FBXO22: variants seen among roughly 807,000 people sequenced by gnomAD.
The protein encoded by FBXO22 is F-box protein 22.
A neutral mutation model predicts 37.2 loss-of-function variants in FBXO22; 13 were observed. The observed-to-expected ratio is 0.35, with a 90% confidence interval of 0.23 to 0.56. The LOEUF is 0.56. FBXO22 is among the 20% of genes least tolerant of loss of function. The probability of loss-of-function intolerance (pLI) is 0.87; values close to 1 mark genes in which losing one functional copy is unlikely to be tolerated. For synonymous variants in FBXO22, 189 were observed against 189.1 expected (o/e 1.00, Z 0.00); for missense variants, 446 against 509.9 (o/e 0.87, Z 1.21).
In FBXO22 at chr15:75,909,293, G is replaced by A. The variant is rs111499502; in HGVS notation, c.280-3910G>A. Among the ~76,000 whole-genome samples the A allele has an allele frequency of 3.3e-3, 496 of 152,242 alleles. 2 individuals carry two copies. Among genetic ancestry groups the A allele is most frequent in the Middle Eastern group, 0.014 (4 of 294 alleles). On this transcript the variant is annotated intron_variant, in intron 2 of 6. Coordinates refer to ENST00000308275, the MANE Select transcript of FBXO22 (RefSeq NM_147188.3). ...GTTTAGGAAAAGGTTTTGGAGAGGA[G>A]GTGGCACTTAAGGTGTCTCTAGAGG...
intron 2 of FBXO22, among the ~76,000 whole-genome samples, chr15:75,909,433 C>T (rs902967549): frequency 3.3e-5 from 5 of 152,224 alleles, no homozygotes; most frequent in Admixed American, 1.3e-4. Context: ...GCTGGCAAGC[C>T]TGGAAATGGA....
At position 75,904,039 on chromosome 15, in the gene FBXO22, C is replaced by G. The variant is rs764897997; in HGVS notation, c.76C>G (p.Leu26Val). ...GCGGAGCACCTTCGTGTTGAGTAAC[C>G]TGGCGGAGGTGGTGGAGCGTGTGCT... ...DPRSTFVLSN[L>V]AEVVERVLTF... Residue 26 changes from leucine to valine, a missense_variant, in exon 1 of 7, where the codon CTG becomes GTG. Physicochemically the swap from Leu to Val is conservative, Grantham distance 32 (BLOSUM62 1). Transcript: ENST00000308275. 2 of 1,568,104 alleles carry G rather than the reference C, an allele frequency of 1.3e-6. No individual in the cohort carries two copies. The highest frequency in any genetic ancestry group is 2.7e-5 in the African/African-American group (2 of 74,254).
At chr15:75,911,951 T>A (rs1208264960) in intron 2 of FBXO22, among the ~76,000 whole-genome samples, 1 of 150,622 alleles carries the variant, frequency 6.6e-6, no homozygotes, top group Non-Finnish European at 1.5e-5. Context: ...AATACCTAGT[T>A]TATTGAGAGT....
At chr15:75,918,438 G>T (rs1900240050) in intron 5 of FBXO22, among the ~76,000 whole-genome samples, 1 of 152,136 alleles carries the variant, frequency 6.6e-6, no homozygotes, top group South Asian at 2.1e-4. Flanking sequence ...GGGTGGTCAG[G>T]TCAAAGTAGA....
intron 2 of FBXO22, among the ~76,000 whole-genome samples, chr15:75,905,834 T>C (rs1022441089): frequency 6.6e-6 from 1 of 152,218 alleles, no homozygotes. Context: ...CGGCATACTT[T>C]AGGTGGCATG....
intron 4 of FBXO22, among the ~76,000 whole-genome samples, chr15:75,915,668 G>A (rs1396086407): frequency 1.3e-5 from 2 of 152,124 alleles, no homozygotes; most frequent in African/African-American, 2.4e-5. Flanking sequence ...TTGGGAGGCC[G>A]AGGTGGGTGG....
At position 75,913,300 on chromosome 15, in the gene FBXO22, A is replaced by T; in HGVS notation, c.367+10A>T. On this transcript the variant is annotated intron_variant, in intron 3 of 6. Transcript: ENST00000308275. ...CGTGGCCATAAGAGAGGTAAATATC[A>T]AAAGAAAAGCTTTTGCTTCTGTTTT... 6.3e-7 allele frequency: 1 copy of T among 1,577,734 alleles called. No homozygotes were observed. The highest frequency in any genetic ancestry group is 2.2e-5 in the East Asian group (1 of 44,516).
intron 5 of FBXO22, among the ~76,000 whole-genome samples, chr15:75,921,370 A>G (rs1323949290): frequency 6.6e-6 from 1 of 152,082 alleles, no homozygotes; most frequent in African/African-American, 2.4e-5. Context: ...TAATTGAAAC[A>G]TTTTTGTTTG....
At chr15:75,910,731 A>G (rs907016175) in intron 2 of FBXO22, among the ~76,000 whole-genome samples, 1 of 152,048 alleles carries the variant, frequency 6.6e-6, no homozygotes, top group Non-Finnish European at 1.5e-5. Context: ...CACTCTGATG[A>G]TAGTTTCTTT....
rs991571236 is a variant in FBXO22, at chr15:75,936,343, T to C, written c.*3241T>C. On this transcript the variant is annotated 3_prime_UTR_variant, in exon 7 of 7. Coordinates refer to ENST00000308275, the MANE Select transcript of FBXO22 (RefSeq NM_147188.3). ...AATAAAATAAGCATTAGTAATAATATCCTTGTTAAATGAACAAAGTGAATA... is the reference window on the plus strand; with the variant it reads ...AATAAAATAAGCATTAGTAATAATACCCTTGTTAAATGAACAAAGTGAATA... 2 of 152,190 alleles carry C rather than the reference T, an allele frequency of 1.3e-5. No homozygotes were observed. Among genetic ancestry groups the C allele is most frequent in the African/African-American group, 4.8e-5 (2 of 41,456 alleles). The allele number at this position is 152,190 out of a possible 1,614,324, so 9.4% of individuals were successfully genotyped here.
At chr15:75,909,931 G>A (rs539265361) in intron 2 of FBXO22, among the ~76,000 whole-genome samples, 1 of 152,152 alleles carries the variant, frequency 6.6e-6, no homozygotes, top group African/African-American at 2.4e-5. Flanking sequence ...CCCACTCCCT[G>A]ACAGGCCCTG....
chr15:75,921,006 C>A (rs1478202565), intron 5 of FBXO22, among the ~76,000 whole-genome samples: 1 of 152,100 alleles, frequency 6.6e-6, no homozygotes, highest in African/African-American at 2.4e-5. Flanking sequence ...GTGTGAATGT[C>A]ATAGTACTTA....
rs1013512005 is a variant in FBXO22, at chr15:75,938,470, A to G, written c.*5368A>G. The G allele has an allele frequency of 5.3e-5, 8 of 152,220 alleles. No individual in the cohort carries two copies. The highest frequency in any genetic ancestry group is 1.7e-4 in the African/African-American group (7 of 41,462). 9.4% of individuals were successfully genotyped at this position (152,220 alleles called of 1,614,324 possible). ...GACCTTGTCCTAATGAAGGACATTA[A>G]ACTAGACATATACTTTAACTCAAAT... On this transcript the variant is annotated 3_prime_UTR_variant, in exon 7 of 7. Transcript: ENST00000308275.
In FBXO22 at chr15:75,933,250, A is replaced by G. The variant is rs1595920639; in HGVS notation, c.*148A>G. Reference sequence around the variant, plus strand: ...TGATGCTCTAAGATCACATGAGGGTAGTATTTAATATATTAGATGAAGGAC... The same window carrying G: ...TGATGCTCTAAGATCACATGAGGGTGGTATTTAATATATTAGATGAAGGAC... On this transcript the variant is annotated 3_prime_UTR_variant, in exon 7 of 7. Coordinates refer to ENST00000308275, the MANE Select transcript of FBXO22 (RefSeq NM_147188.3). 2.4e-5 allele frequency: 16 copies of G among 667,578 alleles called. No homozygotes were observed. The East Asian group carries it at 4.5e-4, about 19-fold the overall frequency. 41.4% of individuals were successfully genotyped at this position (667,578 alleles called of 1,614,324 possible).
chr15:75,915,803 G>A (rs983404071), intron 4 of FBXO22, among the ~76,000 whole-genome samples: 1 of 151,930 alleles, frequency 6.6e-6, no homozygotes, highest in African/African-American at 2.4e-5. Context: ...AGGAGGCTAA[G>A]GCAGGAGAAT....
chr15:75,927,108 C>T (rs115828439), intron 5 of FBXO22, among the ~76,000 whole-genome samples: 25 of 152,110 alleles, frequency 1.6e-4, no homozygotes, highest in African/African-American at 5.5e-4. Context: ...CTTTCCTGGT[C>T]GGGGGGAGGG....
At position 75,936,600 on chromosome 15, in the gene FBXO22, GTT is replaced by G. The variant is rs978914234; in HGVS notation, c.*3501_*3502del. ...TGGAAACTTTTTTTTTTTTGAGAGA[GTT>G]TTGCTCTTGTTGCCCAGGCTGGAGT... On this transcript the variant is annotated 3_prime_UTR_variant, in exon 7 of 7. Coordinates refer to ENST00000308275, the MANE Select transcript of FBXO22 (RefSeq NM_147188.3). The G allele has an allele frequency of 5.9e-5, 9 of 151,576 alleles. No individual in the cohort carries two copies. Among genetic ancestry groups the G allele is most frequent in the African/African-American group, 1.9e-4 (8 of 41,292 alleles). The allele number at this position is 151,576 out of a possible 1,614,324, so 9.4% of individuals were successfully genotyped here. A position where few individuals can be genotyped will look rare whatever the true frequency, so the allele number is the denominator to read the frequency against.
rs1017990426 is a variant in FBXO22, at chr15:75,930,252, G to T, written c.794+203G>T. The T allele has an allele frequency of 6.3e-6, 9 of 1,425,204 alleles. No homozygotes were observed. The East Asian group carries it at 2.3e-4, about 36-fold the overall frequency. The allele number at this position is 1,425,204 out of a possible 1,614,324, so 88.3% of individuals were successfully genotyped here. ...GAATAATTACATTTTTATATATATT[G>T]TCCTTCAAGAACTTCCTTGAGTCAC... is the stretch of plus-strand genomic sequence containing the variant. On this transcript the variant is annotated intron_variant, in intron 6 of 6. Coordinates refer to ENST00000308275, the MANE Select transcript of FBXO22 (RefSeq NM_147188.3).
intron 5 of FBXO22, among the ~76,000 whole-genome samples, chr15:75,929,032 G>A (rs1455380804): frequency 1.3e-5 from 2 of 152,146 alleles, no homozygotes; most frequent in Admixed American, 6.5e-5. Context: ...GACATAAAAC[G>A]AGAAATTTAT....
Sources: allele counts gnomAD v4.1 joint callset (sites outside exome capture counted in the v4.1 genomes callset), GRCh38; gene constraint gnomAD v4.1.1; transcripts MANE v1.5; gene names NCBI Gene and HGNC (gene_info 2026-07-23, HGNC 2026-07-21).